Variants in WDFY3 observed in about 807,000 individuals in gnomAD.
WDFY3 encodes WD repeat and FYVE domain containing 3.
WDFY3 carries 66 observed loss-of-function variants against 409.6 expected under a neutral mutation model. The observed-to-expected ratio is 0.16, with a 90% CI of 0.13 to 0.20. The LOEUF is 0.20. Ranked by LOEUF, WDFY3 falls within the 10% of genes least tolerant of loss-of-function variation. The probability of loss-of-function intolerance (pLI) is 1.00; values close to 1 mark genes in which losing one functional copy is unlikely to be tolerated. For missense variants in WDFY3, 3,031 were observed against 4,298.1 expected (o/e 0.71, Z 8.24); for synonymous variants, 1,521 against 1,537.1 (o/e 0.99, Z 0.25).
At chr4:84,941,665 G>A (rs1007449712) in intron 1 of WDFY3, among the ~76,000 whole-genome samples, 12 of 151,832 alleles carry the variant, frequency 7.9e-5, no homozygotes, top group African/African-American at 2.7e-4. Flanking sequence ...TTCGTTTTTG[G>A]AAATCAACAA....
At chr4:84,965,787 CG>C (rs70943383) in intron 1 of WDFY3, 58,213 of 151,296 alleles carry the variant, frequency 0.38, 11,405 homozygotes, top group Admixed American at 0.47. Context: ...CAGGATGCAG[CG>C]GGGGGGGGCC....
At position 84,740,014 on chromosome 4, in the gene WDFY3, T is replaced by A. The variant is rs116184758; in HGVS notation, c.6464+173A>T. 4.3e-3 allele frequency among the ~76,000 whole-genome samples: 654 copies of A among 151,988 alleles called. 2 individuals carry two copies. The highest frequency in any genetic ancestry group is 0.014 in the African/African-American group (567 of 41,446). On this transcript the variant is annotated intron_variant, in intron 39 of 67. Coordinates refer to ENST00000295888, the MANE Select transcript of WDFY3 (RefSeq NM_014991.6). ...AAAACTAAGTTAAAGGAAAAAAAAA[T>A]ACCCATTATTTCACTGCAAAAATTC...
intron 51 of WDFY3, among the ~76,000 whole-genome samples, chr4:84,711,440 C>A (rs922997482): frequency 6.6e-6 from 1 of 151,964 alleles, no homozygotes; most frequent in Non-Finnish European, 1.5e-5. Context: ...AAGATACGGA[C>A]AATTTACAAA....
chr4:84,687,281 T>A (rs1377303590), intron 62 of WDFY3, among the ~76,000 whole-genome samples: 1 of 152,044 alleles, frequency 6.6e-6, no homozygotes, highest in African/African-American at 2.4e-5. Context: ...ATAGCTGGGA[T>A]TAAAGGCACC....
rs1207079580 is a variant in WDFY3 at position 84,767,904 on chromosome 4, T to A, written c.4850-1532A>T. Among the ~76,000 whole-genome samples the A allele has an allele frequency of 3.3e-5, 5 of 152,046 alleles. No individual in the cohort carries two copies. In the East Asian group the frequency reaches 9.6e-4, roughly 29 times the overall value. On this transcript the variant is annotated intron_variant, in intron 30 of 67. Transcript: ENST00000295888. ...TTTGAGACCAACCTGGGCAACATAG[T>A]TGGACCCTGTCTCTAAAAAAATGAA...
chr4:84,716,479 C>A (rs1361277632), intron 49 of WDFY3, among the ~76,000 whole-genome samples: 1 of 146,142 alleles, frequency 6.8e-6, no homozygotes, highest in Non-Finnish European at 1.5e-5. Context: ...TTGAGGGTTT[C>A]CATGGCATGT....
intron 24 of WDFY3, among the ~76,000 whole-genome samples, chr4:84,784,409 T>C (rs1262123787): frequency 6.6e-6 from 1 of 152,170 alleles, no homozygotes; most frequent in Non-Finnish European, 1.5e-5. Context: ...TCTACTCTTT[T>C]TGTAGTTTTC....
intron 2 of WDFY3, among the ~76,000 whole-genome samples, chr4:84,898,182 T>C (rs1055220368): frequency 5.3e-5 from 8 of 152,238 alleles, no homozygotes; most frequent in Non-Finnish European, 7.3e-5. Context: ...ATGTGTCTAG[T>C]GACTACTGTA....
chr4:84,846,851 A>G (rs539215435), intron 5 of WDFY3, among the ~76,000 whole-genome samples: 1 of 152,168 alleles, frequency 6.6e-6, no homozygotes, highest in South Asian at 2.1e-4. Flanking sequence ...GGAAAAGTGG[A>G]AAAGCAACCA....
intron 59 of WDFY3, among the ~76,000 whole-genome samples, chr4:84,692,519 T>A (rs1265423605): frequency 2.6e-5 from 4 of 152,186 alleles, no homozygotes. Context: ...GTTCTTTTAC[T>A]AATATATCGG....
chr4:84,859,337 A>G (rs1467426530), intron 4 of WDFY3, among the ~76,000 whole-genome samples: 1 of 152,146 alleles, frequency 6.6e-6, no homozygotes, highest in Non-Finnish European at 1.5e-5. Flanking sequence ...GAGTGTATGT[A>G]TGTATGTATG....
chr4:84,917,927 T>C (rs762117978), intron 2 of WDFY3, among the ~76,000 whole-genome samples: 1 of 152,112 alleles, frequency 6.6e-6, no homozygotes, highest in Non-Finnish European at 1.5e-5. Flanking sequence ...CCCCTATATA[T>C]ATGGCTCTGA....
At position 84,718,684 on chromosome 4, in the gene WDFY3, T is replaced by C. The variant is rs1255038126; in HGVS notation, c.7606-114A>G. On this transcript the variant is annotated intron_variant, in intron 47 of 67. Coordinates refer to ENST00000295888, the MANE Select transcript of WDFY3 (RefSeq NM_014991.6). ...CATATTAAATCAGAGTTTAAGCATA[T>C]TGAGAAGATTAAGCTTAGATTACAG... The C allele has an allele frequency of 3.0e-5, 38 of 1,257,834 alleles. No homozygotes were observed. Among genetic ancestry groups the C allele is most frequent in the Non-Finnish European group, 4.0e-5 (37 of 930,064 alleles). 77.9% of individuals were successfully genotyped at this position (1,257,834 alleles called of 1,614,324 possible). A position where few individuals can be genotyped will look rare whatever the true frequency, so the allele number is the denominator to read the frequency against.
chr4:84,772,896 G>T lies in WDFY3; in HGVS notation c.4788C>A (p.Thr1596=), dbSNP rs183453768. Residue 1596 remains threonine, a synonymous_variant, in exon 30 of 68, where the codon ACC becomes ACA. Coordinates refer to ENST00000295888, the MANE Select transcript of WDFY3 (RefSeq NM_014991.6). ...CTACAAATTTCTCACAAACCGCAAA[G>T]GTTGGCAAAGTAGAAGAAATAAACT... ...FGQFISSTLP[T]FAVCEKFVVM... 2.5e-6 allele frequency: 4 copies of T among 1,608,382 alleles called. No homozygotes were observed. The highest frequency in any genetic ancestry group is 2.5e-6 in the Non-Finnish European group (3 of 1,177,916).
In WDFY3 at chr4:84,849,889, A is replaced by C; in HGVS notation, c.304+13T>G. ...TCAAACAAATCAGTTTTTGCTGGCTACTGTAAAAATACCTGTGGATTTGTT... is the reference window on the plus strand; with the variant it reads ...TCAAACAAATCAGTTTTTGCTGGCTCCTGTAAAAATACCTGTGGATTTGTT... On this transcript the variant is annotated intron_variant, in intron 5 of 67. Transcript: ENST00000295888. 2.5e-6 allele frequency: 4 copies of C among 1,607,692 alleles called. No homozygotes were observed. The highest frequency in any genetic ancestry group is 2.5e-6 in the Non-Finnish European group (3 of 1,178,438).
chr4:84,781,615 G>A (rs1430501061), intron 25 of WDFY3, among the ~76,000 whole-genome samples: 3 of 152,044 alleles, frequency 2.0e-5, no homozygotes, highest in African/African-American at 7.2e-5. Flanking sequence ...ATTAGGGCCA[G>A]TATTACTAGT....
At chr4:84,733,303 C>G in intron 44 of WDFY3, 79 bp downstream of exon 44, 1 of 1,470,024 alleles carries the variant, frequency 6.8e-7, no homozygotes, top group Non-Finnish European at 9.2e-7. Context: ...AGGTAATTGA[C>G]TAAATAGAGA....
intron 32 of WDFY3, among the ~76,000 whole-genome samples, chr4:84,763,910 G>T (rs1743153892): frequency 6.6e-6 from 1 of 152,140 alleles, no homozygotes; most frequent in African/African-American, 2.4e-5. Flanking sequence ...GACAGAAAAA[G>T]CACAGGACTA....
intron 2 of WDFY3, among the ~76,000 whole-genome samples, chr4:84,927,679 G>A (rs993032469): frequency 4.6e-5 from 7 of 152,096 alleles, no homozygotes; most frequent in African/African-American, 1.7e-4. Context: ...GGATCTGATG[G>A]TTTTATAAGT....
Sources: allele counts gnomAD v4.1 joint callset (sites outside exome capture counted in the v4.1 genomes callset), GRCh38; gene constraint gnomAD v4.1.1; transcripts MANE v1.5; gene names NCBI Gene and HGNC (gene_info 2026-07-23, HGNC 2026-07-21).